The following PCDHGA9 variants were observed in gnomAD, a reference collection of about 807,000 sequenced individuals.
The protein encoded by PCDHGA9 is protocadherin gamma-A9.
A neutral mutation model predicts 62.5 loss-of-function variants in PCDHGA9; 37 were observed. The observed-to-expected ratio is 0.59, with a 90% CI of 0.46 to 0.78. The LOEUF (loss-of-function observed/expected upper bound fraction) is 0.78, where lower values mean the gene tolerates loss of function less well. Ranked by LOEUF, PCDHGA9 falls within the 30% of genes least tolerant of loss-of-function variation. The pLI is 0.00. For synonymous variants in PCDHGA9, 459 were observed against 484.6 expected, an observed-to-expected ratio of 0.95 and a Z score of 0.69; for missense variants, 1,138 against 1,166.2, an observed-to-expected ratio of 0.98 and a Z score of 0.35.
At chr5:141,460,882 C>G (rs2098999926) in intron 1 of PCDHGA9, among the ~76,000 whole-genome samples, 1 of 149,600 alleles carries the variant, frequency 6.7e-6, no homozygotes, top group Non-Finnish European at 1.5e-5. Context: ...TTATTTCATG[C>G]CTTTTCGTGG....
intron 1 of PCDHGA9, chr5:141,415,762 T>TTTTG: frequency 2.1e-6 from 3 of 1,399,986 alleles, no homozygotes; most frequent in Non-Finnish European, 2.8e-6. Flanking sequence ...TTTTTTTTTT[T>TTTTG]TTTTTTTTTT....
intron 1 of PCDHGA9, chr5:141,410,181 T>C: frequency 6.2e-7 from 1 of 1,613,814 alleles, no homozygotes; most frequent in South Asian, 1.1e-5. Context: ...ACCGCCACGC[T>C]TCATCTGGTC....
chr5:141,404,463 A>G lies in PCDHGA9; in HGVS notation c.1511A>G (p.Tyr504Cys), dbSNP rs969137248. 10 of 1,612,548 alleles carry G rather than the reference A, an allele frequency of 6.2e-6. No homozygotes were observed. In the South Asian group the frequency reaches 9.9e-5, roughly 16 times the overall value. ...ATCCAAGGGTCTCCTCTCTCCACCTATGTCTCTATTAACTCAGACACTGGT... is the reference window on the plus strand; with the variant it reads ...ATCCAAGGGTCTCCTCTCTCCACCTGTGTCTCTATTAACTCAGACACTGGT... ...DTIQGSPLST[Y>C]VSINSDTGVL... The change falls in exon 1 of 4, where the codon TAT becomes TGT. Residue 504 changes from tyrosine (Y) to cysteine (C), a missense_variant. Physicochemically the swap from Tyr to Cys is radical, Grantham distance 194. Transcript: ENST00000573521.
In PCDHGA9 at chr5:141,489,459, C is replaced by A; in HGVS notation, c.2425-5348C>A. ...AATTGGGCTCTGAGGAGAATGGGCG[C>A]TATTTTTCCCTGAGCTTGATGAGTG... On this transcript the variant is annotated intron_variant, in intron 1 of 3. Transcript: ENST00000573521. The surrounding 1 kb of genome is among the most constrained non-coding windows in gnomAD (Gnocchi z 4.5). 1 of 1,614,086 alleles carries A rather than the reference C, an allele frequency of 6.2e-7. No individual in the cohort carries two copies. The highest frequency in any genetic ancestry group is 8.5e-7 in the Non-Finnish European group (1 of 1,180,012).
At position 141,431,335 on chromosome 5, in the gene PCDHGA9, C is replaced by A. The variant is rs747132346; in HGVS notation, c.2424+25959C>A. On this transcript the variant is annotated intron_variant, in intron 1 of 3. Transcript: ENST00000573521. This position sits in a 1 kb window ranked among gnomAD's most constrained non-coding sequence, Gnocchi z 4.8. ...ATGGAGCCGACGGTAGTAAGTACCCCGAATTGGTGCTGAAACGCGCCCTGG... is the reference window on the plus strand; with the variant it reads ...ATGGAGCCGACGGTAGTAAGTACCCAGAATTGGTGCTGAAACGCGCCCTGG... 11 of 1,613,944 alleles carry A rather than the reference C, an allele frequency of 6.8e-6. No homozygotes were observed. The Admixed American group carries it at 1.5e-4, about 22-fold the overall frequency.
At chr5:141,460,569 T>C (rs1234392082) in intron 1 of PCDHGA9, among the ~76,000 whole-genome samples, 2 of 152,100 alleles carry the variant, frequency 1.3e-5, no homozygotes, top group Admixed American at 1.3e-4. Context: ...GCCATGGACA[T>C]ATGTAGGTGT....
chr5:141,474,685 T>G (rs1562045980), intron 1 of PCDHGA9, among the ~76,000 whole-genome samples: 1 of 152,224 alleles, frequency 6.6e-6, no homozygotes, highest in Non-Finnish European at 1.5e-5. Flanking sequence ...GCCTACCCCT[T>G]CACTTATGTT....
chr5:141,510,426 T>C (rs983368750), intron 3 of PCDHGA9, among the ~76,000 whole-genome samples: 1 of 152,084 alleles, frequency 6.6e-6, no homozygotes, highest in African/African-American at 2.4e-5. Flanking sequence ...CATGGTTTCA[T>C]GGCTGCTGCC....
intron 1 of PCDHGA9, chr5:141,433,018 T>C: frequency 6.2e-7 from 1 of 1,614,120 alleles, no homozygotes. Flanking sequence ...TGCAGACCTA[T>C]TCCCACGAGG....
intron 1 of PCDHGA9, among the ~76,000 whole-genome samples, chr5:141,462,798 C>A (rs1458659959): frequency 6.6e-6 from 1 of 152,072 alleles, no homozygotes; most frequent in Non-Finnish European, 1.5e-5. Flanking sequence ...ATTTGCATGT[C>A]TAATAATGTT....
chr5:141,479,269 A>C (rs1279389471), intron 1 of PCDHGA9: 1 of 152,374 alleles, frequency 6.6e-6, no homozygotes, highest in Non-Finnish European at 1.5e-5. Context: ...TAAAAGTAAT[A>C]ATTTATTTCA....
intron 1 of PCDHGA9, among the ~76,000 whole-genome samples, chr5:141,473,910 A>G (rs1165685707): frequency 6.6e-6 from 1 of 152,168 alleles, no homozygotes; most frequent in Non-Finnish European, 1.5e-5. Flanking sequence ...AAGAGGTCTT[A>G]AGAAAACTAT....
chr5:141,408,380 G>T, intron 1 of PCDHGA9: 1 of 1,614,028 alleles, frequency 6.2e-7, no homozygotes, highest in East Asian at 2.2e-5. Context: ...CAGTGTCCTG[G>T]ATGTGTCGGC....
intron 1 of PCDHGA9, chr5:141,479,355 A>G (rs2099493778): frequency 6.6e-6 from 1 of 152,506 alleles, no homozygotes; most frequent in Non-Finnish European, 1.5e-5. Flanking sequence ...CTTGCTGCTC[A>G]GTGCCTGAGG....
intron 1 of PCDHGA9, among the ~76,000 whole-genome samples, chr5:141,457,289 G>A (rs907200077): frequency 2.0e-5 from 3 of 152,146 alleles, no homozygotes; most frequent in Non-Finnish European, 4.4e-5. Context: ...GAAGTTCCTT[G>A]GTTTTATTTT....
intron 1 of PCDHGA9, among the ~76,000 whole-genome samples, chr5:141,448,711 C>T (rs62379167): frequency 0.23 from 35,567 of 151,844 alleles, 4,336 homozygotes; most frequent in Admixed American, 0.32. Context: ...GAGGCCGAGG[C>T]GGGAGGATCA....
chr5:141,492,503 A>G (rs1341352458), intron 1 of PCDHGA9, among the ~76,000 whole-genome samples: 1 of 151,188 alleles, frequency 6.6e-6, no homozygotes, highest in Non-Finnish European at 1.5e-5. Context: ...AGGACTCCGG[A>G]GCCTCCTCTC....
In PCDHGA9 at chr5:141,511,330, T is replaced by C; in HGVS notation, c.*157T>C. 1 of 1,455,994 alleles carries C rather than the reference T, an allele frequency of 6.9e-7. No homozygotes were observed. The highest frequency in any genetic ancestry group is 9.1e-7 in the Non-Finnish European group (1 of 1,093,254). 90.2% of individuals were successfully genotyped at this position (1,455,994 alleles called of 1,614,324 possible). ...TTGGGAAACAGAAACAAGTGCCCAG[T>C]CAGCACCTACCCCTTCCCCCCCAGG... On this transcript the variant is annotated 3_prime_UTR_variant, in exon 4 of 4. Coordinates refer to ENST00000573521, the MANE Select transcript of PCDHGA9 (RefSeq NM_018921.3).
At position 141,477,217 on chromosome 5, in the gene PCDHGA9, G is replaced by T. The variant is rs745497348; in HGVS notation, c.2425-17590G>T. On this transcript the variant is annotated intron_variant, in intron 1 of 3. Transcript: ENST00000573521. This position sits in a 1 kb window ranked among gnomAD's most constrained non-coding sequence, Gnocchi z 4.9. ...GCCCAGTACCCGAGGATGCCCCTCTGGGGACTGTCATCGCTTTGCTCAGTG... is the reference window on the plus strand; with the variant it reads ...GCCCAGTACCCGAGGATGCCCCTCTTGGGACTGTCATCGCTTTGCTCAGTG... The T allele has an allele frequency of 8.1e-6, 13 of 1,614,178 alleles. No homozygotes were observed. The African/African-American group carries it at 1.7e-4, about 22-fold the overall frequency.
Sources: allele counts gnomAD v4.1 joint callset (sites outside exome capture counted in the v4.1 genomes callset), GRCh38; gene constraint gnomAD v4.1.1; non-coding constraint Gnocchi (gnomAD v3.1); transcripts MANE v1.5; gene names NCBI Gene and HGNC (gene_info 2026-07-23, HGNC 2026-07-21).